Variants in ZMAT4 observed in about 807,000 individuals in gnomAD.
The protein encoded by ZMAT4 is zinc finger matrin-type protein 4.
A neutral mutation model predicts 28.7 loss-of-function variants in ZMAT4; 17 were observed. The ratio of observed to expected loss-of-function variants is 0.59; its 90% CI spans 0.41 to 0.89. The LOEUF is 0.89. Ranked by LOEUF, ZMAT4 falls within the 40% of genes least tolerant of loss-of-function variation. The pLI is 0.00. For missense variants in ZMAT4, 240 were observed against 283.8 expected (o/e 0.85, Z 1.11); for synonymous variants, 117 against 109.2 (o/e 1.07, Z -0.44).
chr8:40,586,898 C>T (rs1382609681), intron 5 of ZMAT4, among the ~76,000 whole-genome samples: 6 of 151,730 alleles, frequency 4.0e-5, no homozygotes, highest in African/African-American at 1.5e-4. Flanking sequence ...AGTATATAAG[C>T]AGGATCATGA....
At chr8:40,729,221 G>A (rs1811432014) in intron 3 of ZMAT4, among the ~76,000 whole-genome samples, 1 of 152,182 alleles carries the variant, frequency 6.6e-6, no homozygotes, top group African/African-American at 2.4e-5. Context: ...TAGTAGGGAA[G>A]ACACTTGTCA....
At chr8:40,654,219 C>T (rs1209747009) in intron 5 of ZMAT4, among the ~76,000 whole-genome samples, 1 of 152,130 alleles carries the variant, frequency 6.6e-6, no homozygotes, top group Non-Finnish European at 1.5e-5. Context: ...GACTCCCTGC[C>T]ATGCTGCTGA....
chr8:40,697,215 T>A (rs777020709), intron 4 of ZMAT4, 30 bp downstream of exon 4: 1 of 1,543,778 alleles, frequency 6.5e-7, no homozygotes, highest in Non-Finnish European at 8.8e-7. Context: ...GTTTTCAGGG[T>A]CTCCCCACGA....
chr8:40,785,731 G>A, intron 2 of ZMAT4, among the ~76,000 whole-genome samples: 1 of 152,146 alleles, frequency 6.6e-6, no homozygotes, highest in East Asian at 1.9e-4. Context: ...ATGCATTCAG[G>A]CTGGACATTT....
intron 3 of ZMAT4, among the ~76,000 whole-genome samples, chr8:40,745,232 A>C (rs1812168795): frequency 6.6e-6 from 1 of 152,194 alleles, no homozygotes; most frequent in East Asian, 1.9e-4. Flanking sequence ...CAAATTCTAA[A>C]AGGAAATTTA....
chr8:40,864,169 C>A (rs538386093), intron 1 of ZMAT4, among the ~76,000 whole-genome samples: 11 of 152,204 alleles, frequency 7.2e-5, no homozygotes, highest in Non-Finnish European at 1.5e-4. Context: ...GGAAATCTGG[C>A]CCATTTCATC....
chr8:40,767,852 C>A lies in ZMAT4; in HGVS notation c.103-122G>T, dbSNP rs1052526379. On this transcript the variant is annotated intron_variant, in intron 2 of 6. Coordinates refer to ENST00000297737, the MANE Select transcript of ZMAT4 (RefSeq NM_024645.3). ...TTTCAGTAGAAGACACTTCTGCATA[C>A]TCCTGTGAGGGATGTAGGATGTAGT... 8.3e-6 allele frequency: 6 copies of A among 725,926 alleles called. No individual in the cohort carries two copies. In the Admixed American group the frequency reaches 1.3e-4, roughly 15 times the overall value. The allele number at this position is 725,926 out of a possible 1,614,324, so 45.0% of individuals were successfully genotyped here. A position where few individuals can be genotyped will look rare whatever the true frequency, so the allele number is the denominator to read the frequency against.
chr8:40,632,617 G>C (rs1164529108), intron 5 of ZMAT4, among the ~76,000 whole-genome samples: 5 of 152,154 alleles, frequency 3.3e-5, no homozygotes, highest in Non-Finnish European at 1.5e-5. Flanking sequence ...TTGGAGTTTT[G>C]TAGCTGTGAG....
chr8:40,884,990 T>G (rs1436919808), intron 1 of ZMAT4: 4 of 152,188 alleles, frequency 2.6e-5, no homozygotes, highest in Non-Finnish European at 4.4e-5. Flanking sequence ...CCTAGATCTA[T>G]AAATACTGCC....
chr8:40,801,670 T>C (rs1814856699), intron 2 of ZMAT4, among the ~76,000 whole-genome samples: 2 of 151,826 alleles, frequency 1.3e-5, no homozygotes, highest in Non-Finnish European at 2.9e-5. Flanking sequence ...AACTCTGTCT[T>C]AAAAAAATAA....
At chr8:40,547,680 G>C (rs774913299) in intron 6 of ZMAT4, among the ~76,000 whole-genome samples, 10 of 152,098 alleles carry the variant, frequency 6.6e-5, no homozygotes, top group Non-Finnish European at 1.3e-4. Context: ...GTGCAGGTTT[G>C]TTACCTTACA....
At chr8:40,597,081 T>C (rs1443409334) in intron 5 of ZMAT4, among the ~76,000 whole-genome samples, 1 of 152,140 alleles carries the variant, frequency 6.6e-6, no homozygotes, top group African/African-American at 2.4e-5. Context: ...TGGGGATGGA[T>C]GGATGGATGG....
At chr8:40,569,312 C>T (rs988442690) in intron 6 of ZMAT4, among the ~76,000 whole-genome samples, 8 of 152,130 alleles carry the variant, frequency 5.3e-5, no homozygotes, top group South Asian at 4.1e-4. Flanking sequence ...ATTCAATTGC[C>T]GGGTATTCCA....
chr8:40,872,438 C>G (rs971598539), intron 1 of ZMAT4, among the ~76,000 whole-genome samples: 3 of 152,172 alleles, frequency 2.0e-5, no homozygotes, highest in East Asian at 1.9e-4. Context: ...CCCCAGTACC[C>G]CCCCCAACCC....
At chr8:40,721,089 T>C (rs1167711938) in intron 3 of ZMAT4, among the ~76,000 whole-genome samples, 5 of 145,624 alleles carry the variant, frequency 3.4e-5, no homozygotes, top group Non-Finnish European at 7.5e-5. Context: ...TAACTCGTCA[T>C]CTAGCATTAG....
intron 4 of ZMAT4, among the ~76,000 whole-genome samples, chr8:40,684,170 T>A (rs12676691): frequency 0.71 from 108,177 of 152,028 alleles, 38,647 homozygotes; most frequent in Middle Eastern, 0.84. Flanking sequence ...ATTTCTTTCG[T>A]CCTAAGGGAA....
chr8:40,780,915 A>C (rs1360564691), intron 2 of ZMAT4, among the ~76,000 whole-genome samples: 1 of 152,156 alleles, frequency 6.6e-6, no homozygotes, highest in Non-Finnish European at 1.5e-5. Flanking sequence ...ATCTGTGAAA[A>C]ACCCTACCAG....
At chr8:40,868,443 TG>T (rs759768251) in intron 1 of ZMAT4, among the ~76,000 whole-genome samples, 59 of 152,144 alleles carry the variant, frequency 3.9e-4, no homozygotes, top group Non-Finnish European at 7.2e-4. Context: ...ACCCCACCTA[TG>T]TCTGCACTGT....
chr8:40,640,165 A>T (rs1487725439), intron 5 of ZMAT4, among the ~76,000 whole-genome samples: 2 of 152,020 alleles, frequency 1.3e-5, no homozygotes, highest in Non-Finnish European at 2.9e-5. Context: ...TTTTGTAGAG[A>T]TGAAGTCTCC....
Sources: allele counts gnomAD v4.1 joint callset (sites outside exome capture counted in the v4.1 genomes callset), GRCh38; gene constraint gnomAD v4.1.1; transcripts MANE v1.5; gene names NCBI Gene and HGNC (gene_info 2026-07-23, HGNC 2026-07-21).